The following POU6F2 variants were observed in gnomAD, a reference collection of about 807,000 sequenced individuals.
The protein encoded by POU6F2 is POU class 6 homeobox 2.
Under a neutral mutation model 71.3 loss-of-function variants are expected in POU6F2, and 31 were observed. The ratio of observed to expected loss-of-function variants is 0.43; its 90% CI spans 0.33 to 0.59. The LOEUF (loss-of-function observed/expected upper bound fraction) is 0.59, where lower values mean the gene tolerates loss of function less well. Among genes scored for constraint, POU6F2 ranks in the 20% least tolerant of loss-of-function variants. The pLI is 0.04. For missense variants in POU6F2, 783 were observed against 856.8 expected (o/e 0.91, Z 1.07); for synonymous variants, 347 against 355.7 (o/e 0.98, Z 0.27).
chr7:39,310,793 G>C (rs1048075059), intron 4 of POU6F2, among the ~76,000 whole-genome samples: 2 of 152,172 alleles, frequency 1.3e-5, no homozygotes, highest in East Asian at 3.9e-4. Context: ...GCGACCCAGC[G>C]GCAGGGTGCT....
intron 7 of POU6F2, among the ~76,000 whole-genome samples, chr7:39,447,529 T>C (rs1788552789): frequency 6.6e-6 from 1 of 152,228 alleles, no homozygotes; most frequent in African/African-American, 2.4e-5. Context: ...CTCTGTTTCC[T>C]CTTCTGTAAT....
chr7:39,073,392 A>C lies in POU6F2; in HGVS notation c.106-12468A>C, dbSNP rs963808736. On this transcript the variant is annotated intron_variant, in intron 1 of 9. Transcript: ENST00000518318. ...AGAACCTATTAAAAAAAAAAAAAAAAAAACCTTCTAGTTCATGTTTTCCTG... is the reference window on the plus strand; with the variant it reads ...AGAACCTATTAAAAAAAAAAAAAAACAAACCTTCTAGTTCATGTTTTCCTG... Among the ~76,000 whole-genome samples the C allele has an allele frequency of 7.9e-5, 12 of 152,156 alleles. No individual in the cohort carries two copies. In the South Asian group the frequency reaches 1.7e-3, roughly 21 times the overall value.
intron 2 of POU6F2, among the ~76,000 whole-genome samples, chr7:39,113,388 A>T (rs961854932): frequency 2.0e-5 from 3 of 152,176 alleles, no homozygotes; most frequent in Non-Finnish European, 4.4e-5. Flanking sequence ...TAATGGGACT[A>T]CTACTTGGAG....
At position 39,111,501 on chromosome 7, in the gene POU6F2, T is replaced by C. The variant is rs183073506; in HGVS notation, c.277+25470T>C. On this transcript the variant is annotated intron_variant, in intron 2 of 9. Coordinates refer to ENST00000518318, the MANE Select transcript of POU6F2 (RefSeq NM_001370959.1). Reference sequence around the variant, plus strand: ...ATTTTGGGTTTTGTTCTTTTTGCTGTTGTTGTTAATGGTTCTCTGCATAAT... The same window carrying C: ...ATTTTGGGTTTTGTTCTTTTTGCTGCTGTTGTTAATGGTTCTCTGCATAAT... Among the ~76,000 whole-genome samples, 598 of 152,322 alleles carry C rather than the reference T, an allele frequency of 3.9e-3. 5 individuals carry two copies. The highest frequency in any genetic ancestry group is 6.8e-3 in the Non-Finnish European group (464 of 68,006).
intron 4 of POU6F2, among the ~76,000 whole-genome samples, chr7:39,272,694 A>G (rs1784362500): frequency 6.6e-6 from 1 of 152,216 alleles, no homozygotes; most frequent in African/African-American, 2.4e-5. Context: ...TCAATTTGCT[A>G]ATGTGGGACT....
intron 4 of POU6F2, among the ~76,000 whole-genome samples, chr7:39,274,894 C>T (rs1236620241): frequency 7.4e-5 from 11 of 149,106 alleles, no homozygotes; most frequent in South Asian, 2.2e-4. Flanking sequence ...ATTGATGGGA[C>T]GTATCTCAAA....
chr7:39,420,490 G>C (rs894941089), intron 6 of POU6F2, among the ~76,000 whole-genome samples: 3 of 152,202 alleles, frequency 2.0e-5, no homozygotes, highest in Non-Finnish European at 4.4e-5. Flanking sequence ...AATGGGAATA[G>C]TATCTATGGT....
chr7:39,398,245 T>C (rs1395258503), intron 5 of POU6F2, among the ~76,000 whole-genome samples: 1 of 152,058 alleles, frequency 6.6e-6, no homozygotes, highest in African/African-American at 2.4e-5. Flanking sequence ...AAATGCACTT[T>C]TAGAGAGCGG....
intron 1 of POU6F2, among the ~76,000 whole-genome samples, chr7:39,004,816 G>C (rs1789012299): frequency 6.6e-6 from 1 of 152,154 alleles, no homozygotes; most frequent in Non-Finnish European, 1.5e-5. Context: ...GGCCCTGCAA[G>C]AGATCCTGGC....
chr7:39,090,965 A>G (rs973727383), intron 2 of POU6F2, among the ~76,000 whole-genome samples: 22 of 152,150 alleles, frequency 1.4e-4, no homozygotes, highest in African/African-American at 5.1e-4. Context: ...AAAAAAATGC[A>G]CATTTGGATA....
intron 5 of POU6F2, among the ~76,000 whole-genome samples, chr7:39,378,793 T>C (rs1233027714): frequency 6.6e-6 from 1 of 152,208 alleles, no homozygotes; most frequent in Non-Finnish European, 1.5e-5. Context: ...TCTGATCATG[T>C]GAAAGGTGAA....
At chr7:39,112,995 C>A in intron 2 of POU6F2, among the ~76,000 whole-genome samples, 1 of 151,884 alleles carries the variant, frequency 6.6e-6, no homozygotes, top group East Asian at 1.9e-4. Context: ...TTCCAGAGAC[C>A]AGAAAACTCA....
chr7:39,381,886 T>C (rs1181220841), intron 5 of POU6F2, among the ~76,000 whole-genome samples: 1 of 152,152 alleles, frequency 6.6e-6, no homozygotes, highest in Non-Finnish European at 1.5e-5. Flanking sequence ...TATTTATATC[T>C]TTAACAAATC....
intron 5 of POU6F2, among the ~76,000 whole-genome samples, chr7:39,398,455 A>C (rs1371433233): frequency 6.6e-6 from 1 of 152,172 alleles, no homozygotes; most frequent in Non-Finnish European, 1.5e-5. Flanking sequence ...CAATGATCAA[A>C]TCAAGACCTG....
chr7:39,254,395 C>T (rs117428693), intron 4 of POU6F2, among the ~76,000 whole-genome samples: 1 of 152,250 alleles, frequency 6.6e-6, no homozygotes, highest in South Asian at 2.1e-4. Context: ...TGTTTCCATG[C>T]TAGTCTGGAT....
chr7:39,048,004 G>A (rs1297663967), intron 1 of POU6F2, among the ~76,000 whole-genome samples: 2 of 151,802 alleles, frequency 1.3e-5, no homozygotes, highest in Non-Finnish European at 2.9e-5. Context: ...GGCTGGCTTT[G>A]TTAAATAGGC....
At chr7:39,252,151 G>A (rs1274872732) in intron 4 of POU6F2, among the ~76,000 whole-genome samples, 1 of 152,016 alleles carries the variant, frequency 6.6e-6, no homozygotes, top group Non-Finnish European at 1.5e-5. Flanking sequence ...TCATGAGAAA[G>A]AACACTAAAG....
chr7:39,448,930 A>G (rs1788588566), intron 7 of POU6F2, among the ~76,000 whole-genome samples: 1 of 152,210 alleles, frequency 6.6e-6, no homozygotes, highest in South Asian at 2.1e-4. Context: ...AAATAGATTT[A>G]ATCTTTAATA....
chr7:38,990,922 T>C (rs1393002203), intron 1 of POU6F2, among the ~76,000 whole-genome samples: 1 of 152,078 alleles, frequency 6.6e-6, no homozygotes, highest in East Asian at 1.9e-4. Flanking sequence ...GAGTTGGAGA[T>C]TTTGTGCATT....
Sources: gnomAD v4.1 joint callset for allele counts (sites outside exome capture counted in the v4.1 genomes callset) on GRCh38, gnomAD v4.1.1 for gene constraint, MANE v1.5 for transcripts, NCBI Gene and HGNC (gene_info 2026-07-23, HGNC 2026-07-21) for gene names.